MCF2L: variants seen among roughly 807,000 people sequenced by gnomAD.
MCF2L encodes guanine nucleotide exchange factor DBS.
Under a neutral mutation model 153.4 loss-of-function variants are expected in MCF2L, and 97 were observed. That is an observed-to-expected ratio of 0.63 (90% CI 0.54 to 0.75). MCF2L has a LOEUF of 0.75. MCF2L is among the 30% of genes least tolerant of loss of function. The probability of loss-of-function intolerance (pLI) is 0.00; values close to 1 mark genes in which losing one functional copy is unlikely to be tolerated. For missense variants in MCF2L, 1,347 were observed against 1,495.2 expected (o/e 0.90, Z 1.64); for synonymous variants, 659 against 632.2 (o/e 1.04, Z -0.64).
At chr13:113,025,849 T>G (rs796201103) in intron 3 of MCF2L, among the ~76,000 whole-genome samples, 1,570 of 70,090 alleles carry the variant, frequency 0.022, 55 homozygotes, top group Middle Eastern at 0.056. Context: ...GGTTTCATCA[T>G]GGTGGGGTCC....
intron 3 of MCF2L, chr13:113,043,610 A>T (rs113802674): frequency 1.3e-5 from 2 of 152,260 alleles, no homozygotes; most frequent in African/African-American, 2.4e-5. Context: ...GGGAAGTAAG[A>T]TTCCCTGTAC....
chr13:113,082,560 A>C lies in MCF2L; in HGVS notation c.1991+18A>C. ...CACAACAGGTGGGCCCTTCCCCCCG[A>C]CACAGGCACGCACCCGTGATCTCTT... On this transcript the variant is annotated intron_variant, in intron 17 of 29. Transcript: ENST00000535094. 1 of 1,524,478 alleles carries C rather than the reference A, an allele frequency of 6.6e-7. No homozygotes were observed. The highest frequency in any genetic ancestry group is 1.4e-5 in the African/African-American group (1 of 73,158). 94.4% of individuals were successfully genotyped at this position (1,524,478 alleles called of 1,614,324 possible).
intron 1 of MCF2L, among the ~76,000 whole-genome samples, chr13:112,901,969 G>A (rs1223877379): frequency 1.3e-5 from 2 of 152,128 alleles, no homozygotes; most frequent in Non-Finnish European, 2.9e-5. Context: ...TTGCTCCTGC[G>A]ACCCTTTATT....
At chr13:113,069,800 G>A (rs890765663) in intron 8 of MCF2L, among the ~76,000 whole-genome samples, 9 of 152,152 alleles carry the variant, frequency 5.9e-5, no homozygotes, top group African/African-American at 1.9e-4. Context: ...CAGCCTAGTC[G>A]CAGTGACCTA....
chr13:112,970,616 C>T (rs1287052544), intron 1 of MCF2L, among the ~76,000 whole-genome samples: 1 of 152,056 alleles, frequency 6.6e-6, no homozygotes, highest in Non-Finnish European at 1.5e-5. Flanking sequence ...CACAGGGAGG[C>T]TTCCGATCGG....
rs1389049742 is a variant in MCF2L, at chr13:112,951,940, C to G, written c.169+49569C>G. ...AAACCCACATACACGCACCGCATTA[C>G]AAGGGCTTTACCAATATGTAGAATC... is the stretch of plus-strand genomic sequence containing the variant. On this transcript the variant is annotated intron_variant, in intron 2 of 29. Coordinates refer to the MCF2L transcript ENST00000375608. The surrounding 1 kb of genome is among the most constrained non-coding windows in gnomAD (Gnocchi z 4.8). Among the ~76,000 whole-genome samples the G allele has an allele frequency of 6.6e-6, 1 of 152,226 alleles. No homozygotes were observed. The highest frequency in any genetic ancestry group is 1.5e-5 in the Non-Finnish European group (1 of 68,040).
intron 2 of MCF2L, among the ~76,000 whole-genome samples, chr13:112,955,654 C>T (rs1177907270): frequency 6.6e-6 from 1 of 152,192 alleles, no homozygotes; most frequent in African/African-American, 2.4e-5. Flanking sequence ...GGGACCCAAA[C>T]TCTGAACCCC....
intron 1 of MCF2L, among the ~76,000 whole-genome samples, chr13:112,988,260 A>G (rs773818413): frequency 1.3e-5 from 2 of 151,354 alleles, no homozygotes; most frequent in African/African-American, 2.4e-5. Flanking sequence ...TTAATTCTAC[A>G]TGGTGAGCCA....
intron 1 of MCF2L, among the ~76,000 whole-genome samples, chr13:112,897,803 G>T (rs1415814244): frequency 3.3e-5 from 5 of 152,252 alleles, no homozygotes; most frequent in East Asian, 1.9e-4. Flanking sequence ...CTAGAGTGAG[G>T]CAGAGACATG....
chr13:112,912,005 T>C (rs1039095832), intron 2 of MCF2L, among the ~76,000 whole-genome samples: 10 of 152,192 alleles, frequency 6.6e-5, no homozygotes, highest in African/African-American at 1.7e-4. Flanking sequence ...AATGTCTTCA[T>C]TGAGTAAGTT....
rs1014577375 is a variant in MCF2L, at chr13:112,932,953, C to T, written c.169+30582C>T. Among the ~76,000 whole-genome samples, 15 of 152,278 alleles carry T rather than the reference C, an allele frequency of 9.9e-5. No homozygotes were observed. The highest frequency in any genetic ancestry group is 2.1e-4 in the South Asian group (1 of 4,828). ...GGCTGAGACAGGAGAATTGCTTGAA[C>T]GCAGGAGGTGGAGATTTTAGTGAGG... On this transcript the variant is annotated intron_variant, in intron 2 of 29. Coordinates refer to the MCF2L transcript ENST00000375608. The surrounding 1 kb of genome is among the most constrained non-coding windows in gnomAD (Gnocchi z 4.6).
chr13:112,965,398 G>C (rs2081880814), upstream of MCF2L: 1 of 152,230 alleles, frequency 6.6e-6, no homozygotes, highest in Non-Finnish European at 1.5e-5. Flanking sequence ...CTTGCTCAGT[G>C]CTGCACCTCA....
At chr13:112,900,903 A>T (rs1047511668) in intron 1 of MCF2L, among the ~76,000 whole-genome samples, 2 of 116,662 alleles carry the variant, frequency 1.7e-5, no homozygotes, top group African/African-American at 6.7e-5. Flanking sequence ...GGGCACCTGC[A>T]GGTCTGACCT....
intron 26 of MCF2L, chr13:113,094,141 T>C (rs1489047938): frequency 1.2e-5 from 2 of 166,246 alleles, no homozygotes; most frequent in African/African-American, 4.8e-5. Flanking sequence ...GTGTTGAACA[T>C]GACCGTGGCA....
At chr13:112,903,087 C>G (rs1217633285) in intron 2 of MCF2L, among the ~76,000 whole-genome samples, 2 of 152,208 alleles carry the variant, frequency 1.3e-5, no homozygotes. Flanking sequence ...CTAGACAAAC[C>G]CAGTGTGGGC....
intron 9 of MCF2L, among the ~76,000 whole-genome samples, chr13:113,071,641 G>A (rs2032929583): frequency 1.3e-5 from 2 of 152,188 alleles, no homozygotes; most frequent in Middle Eastern, 3.2e-3. Context: ...TTCTTCCACT[G>A]GATTTCTTCT....
intron 13 of MCF2L, 92 bp from the exon 14 acceptor site, chr13:113,078,271 C>CCCACGCCACCA: frequency 9.6e-7 from 1 of 1,043,092 alleles, no homozygotes; most frequent in East Asian, 2.5e-5. Context: ...CCGAGTCCTA[C>CCCACGCCACCA]CCTCTCCTCG....
At chr13:113,047,619 G>A (rs142670827) in intron 4 of MCF2L, among the ~76,000 whole-genome samples, 7 of 152,378 alleles carry the variant, frequency 4.6e-5, no homozygotes, top group Admixed American at 2.6e-4. Flanking sequence ...TTAGCAACAC[G>A]TGGGTGTAGG....
At chr13:112,988,416 C>T (rs2082737277) in intron 1 of MCF2L, among the ~76,000 whole-genome samples, 1 of 152,222 alleles carries the variant, frequency 6.6e-6, no homozygotes, top group Non-Finnish European at 1.5e-5. Flanking sequence ...CCCTGCGGAG[C>T]TGGTGCCTGT....
Sources: allele counts gnomAD v4.1 joint callset (sites outside exome capture counted in the v4.1 genomes callset), GRCh38; gene constraint gnomAD v4.1.1; non-coding constraint Gnocchi (gnomAD v3.1); transcripts MANE v1.5; gene names NCBI Gene and HGNC (gene_info 2026-07-23, HGNC 2026-07-21).